NTM: variants seen among roughly 807,000 people sequenced by gnomAD.
The protein encoded by NTM is neurotrimin.
NTM carries 13 observed loss-of-function variants against 42.1 expected under a neutral mutation model. The observed-to-expected ratio is 0.31, with a 90% CI of 0.20 to 0.49. The LOEUF (loss-of-function observed/expected upper bound fraction) is 0.49. Among genes scored for constraint, NTM ranks in the 20% least tolerant of loss-of-function variants. The pLI, the probability that NTM is intolerant of heterozygous loss-of-function variation, is 0.99. For synonymous variants in NTM, 187 were observed against 179.2 expected, an observed-to-expected ratio of 1.04 and a Z score of -0.35; for missense variants, 373 against 452.8, an observed-to-expected ratio of 0.82 and a Z score of 1.60.
chr11:131,906,406 G>A (rs966937056), intron 1 of NTM, among the ~76,000 whole-genome samples: 4 of 151,982 alleles, frequency 2.6e-5, no homozygotes, highest in African/African-American at 4.8e-5. Context: ...ATGCTCCTAC[G>A]ATCAACTCCT....
At chr11:131,391,170 G>A (rs538509743) in intron 1 of NTM, among the ~76,000 whole-genome samples, 1 of 152,290 alleles carries the variant, frequency 6.6e-6, no homozygotes, top group East Asian at 1.9e-4. Flanking sequence ...GTTGTAGATA[G>A]CATTTTAGTG....
intron 1 of NTM, among the ~76,000 whole-genome samples, chr11:131,871,435 G>A (rs537581380): frequency 9.2e-5 from 14 of 152,354 alleles, no homozygotes; most frequent in Non-Finnish European, 1.9e-4. Context: ...GAGGCAATGA[G>A]TGACTTCTGA....
At position 131,953,566 on chromosome 11, in the gene NTM, A is replaced by C. The variant is rs114470653; in HGVS notation, c.167+41918A>C. Among the ~76,000 whole-genome samples, 971 of 152,316 alleles carry C rather than the reference A, an allele frequency of 6.4e-3. 9 individuals are homozygous for C. Among genetic ancestry groups the C allele is most frequent in the African/African-American group, 0.022 (917 of 41,564 alleles). On this transcript the variant is annotated intron_variant, in intron 2 of 8. Coordinates refer to ENST00000683400, the MANE Select transcript of NTM (RefSeq NM_001352005.2). ...TTTTACCACCTGATCCAAAGGAGGGAGCTTTTTCTAGGCAAGTAATTTCAC... is the reference window on the plus strand; with the variant it reads ...TTTTACCACCTGATCCAAAGGAGGGCGCTTTTTCTAGGCAAGTAATTTCAC...
At chr11:132,218,723 G>A (rs1044582861) in intron 4 of NTM, among the ~76,000 whole-genome samples, 1 of 152,138 alleles carries the variant, frequency 6.6e-6, no homozygotes, top group African/African-American at 2.4e-5. Flanking sequence ...GCTTCCTGAG[G>A]CCAAGTATGA....
At chr11:131,789,488 A>G (rs866013652) in intron 1 of NTM, among the ~76,000 whole-genome samples, 1 of 10,438 alleles carries the variant, frequency 9.6e-5, no homozygotes, top group Non-Finnish European at 1.8e-4. Flanking sequence ...GAAGAAGAAG[A>G]AGAGGAAAGA....
At chr11:131,826,545 G>A (rs745919351) in intron 1 of NTM, among the ~76,000 whole-genome samples, 16 of 138,078 alleles carry the variant, frequency 1.2e-4, no homozygotes, top group Non-Finnish European at 2.0e-4. Flanking sequence ...GCTACGTCGA[G>A]GGATTGGTCG....
At chr11:131,675,916 G>C (rs892558733) in intron 1 of NTM, among the ~76,000 whole-genome samples, 2 of 152,220 alleles carry the variant, frequency 1.3e-5, no homozygotes, top group African/African-American at 4.8e-5. Context: ...CCAGGGGCAA[G>C]GACTGGGGTC....
At chr11:132,063,761 T>C (rs1050648014) in intron 2 of NTM, among the ~76,000 whole-genome samples, 15 of 152,226 alleles carry the variant, frequency 9.9e-5, no homozygotes, top group African/African-American at 3.6e-4. Flanking sequence ...TTCTTTCCCC[T>C]GCCTGGAGAG....
chr11:131,535,156 A>G (rs2051968107), intron 1 of NTM: 1 of 152,198 alleles, frequency 6.6e-6, no homozygotes, highest in Non-Finnish European at 1.5e-5. Flanking sequence ...GGACAGCCAA[A>G]GGACGATGGG....
chr11:131,741,096 C>A (rs962252540), intron 1 of NTM, among the ~76,000 whole-genome samples: 1 of 149,832 alleles, frequency 6.7e-6, no homozygotes, highest in Non-Finnish European at 1.5e-5. Flanking sequence ...ACCCGGGAGG[C>A]GGAGGCTGCA....
At chr11:132,112,758 C>CACAT (rs1386903700) in intron 2 of NTM, among the ~76,000 whole-genome samples, 1 of 143,894 alleles carries the variant, frequency 6.9e-6, no homozygotes, top group Non-Finnish European at 1.5e-5. Context: ...CACACACACA[C>CACAT]ATTACATGGC....
At chr11:131,799,025 C>T (rs1043851106) in intron 1 of NTM, among the ~76,000 whole-genome samples, 3 of 152,110 alleles carry the variant, frequency 2.0e-5, no homozygotes. Flanking sequence ...AATTCCAAAA[C>T]AGAAAAAAGG....
At chr11:132,222,423 A>T (rs959337818) in intron 4 of NTM, among the ~76,000 whole-genome samples, 1 of 152,196 alleles carries the variant, frequency 6.6e-6, no homozygotes, top group African/African-American at 2.4e-5. Flanking sequence ...CATGAAAAGA[A>T]ATTGCCAGAC....
chr11:131,949,281 G>A (rs2060716773), intron 2 of NTM, among the ~76,000 whole-genome samples: 1 of 152,064 alleles, frequency 6.6e-6, no homozygotes, highest in African/African-American at 2.4e-5. Context: ...ACACATCTTG[G>A]CTATTGTGAC....
chr11:132,158,630 A>G (rs2073693888), intron 3 of NTM, among the ~76,000 whole-genome samples: 1 of 152,216 alleles, frequency 6.6e-6, no homozygotes, highest in Non-Finnish European at 1.5e-5. Context: ...GCATTTGTCA[A>G]ATAAATGAAT....
At chr11:131,950,318 A>G (rs1326157942) in intron 2 of NTM, among the ~76,000 whole-genome samples, 1 of 152,176 alleles carries the variant, frequency 6.6e-6, no homozygotes, top group African/African-American at 2.4e-5. Context: ...CAGACTAATA[A>G]CACGTGGATT....
At chr11:131,888,907 TA>T (rs371447640) in intron 1 of NTM, among the ~76,000 whole-genome samples, 2 of 144,728 alleles carry the variant, frequency 1.4e-5, no homozygotes, top group East Asian at 4.0e-4. Context: ...TATTCCTCTT[TA>T]TTTTTTTTTT....
At chr11:131,960,482 A>G (rs1298636200) in intron 2 of NTM, among the ~76,000 whole-genome samples, 1 of 152,208 alleles carries the variant, frequency 6.6e-6, no homozygotes. Context: ...CGGGGAGACA[A>G]TGGCAGATGT....
At chr11:132,073,768 CCTT>C (rs1438685779) in intron 2 of NTM, among the ~76,000 whole-genome samples, 1 of 152,184 alleles carries the variant, frequency 6.6e-6, no homozygotes, top group African/African-American at 2.4e-5. Context: ...AAGAGCCACT[CCTT>C]CTAGAAATAG....
Sources: gnomAD v4.1 joint callset for allele counts (sites outside exome capture counted in the v4.1 genomes callset) on GRCh38, gnomAD v4.1.1 for gene constraint, MANE v1.5 for transcripts, NCBI Gene and HGNC (gene_info 2026-07-23, HGNC 2026-07-21) for gene names.